Variants in STEAP4 observed in about 807,000 individuals in gnomAD.
STEAP4 encodes metalloreductase STEAP4.
STEAP4 carries 36 observed loss-of-function variants against 43.6 expected under a neutral mutation model. That is an observed-to-expected ratio of 0.83 (90% CI 0.63 to 1.09). STEAP4 has a LOEUF of 1.09. Ranked by LOEUF, STEAP4 falls within the 50% of genes least tolerant of loss-of-function variation. STEAP4 has a pLI of 0.00. For synonymous variants in STEAP4, 191 were observed against 196.7 expected (o/e 0.97, Z 0.24); for missense variants, 495 against 546.5 (o/e 0.91, Z 0.94).
intron 1 of STEAP4, among the ~76,000 whole-genome samples, chr7:88,306,044 T>G (rs1563507024): frequency 6.6e-6 from 1 of 152,176 alleles, no homozygotes; most frequent in Non-Finnish European, 1.5e-5. Flanking sequence ...AATTTTTGTA[T>G]TTTTAGTAGA....
rs1343524514 is a variant in STEAP4, at chr7:88,278,556, C to G, written c.*842G>C. 1 of 152,188 alleles carries G rather than the reference C, an allele frequency of 6.6e-6. No individual in the cohort carries two copies. Among genetic ancestry groups the G allele is most frequent in the East Asian group, 1.9e-4 (1 of 5,192 alleles). 9.4% of individuals were successfully genotyped at this position (152,188 alleles called of 1,614,324 possible). On this transcript the variant is annotated 3_prime_UTR_variant, in exon 5 of 5. Coordinates refer to ENST00000380079, the MANE Select transcript of STEAP4 (RefSeq NM_024636.4). ...CTTAACCTAATATAGTGCAATTTTA[C>G]AATATTTATTTAGCTTGCTGTCTAA...
chr7:88,283,845 A>G lies in STEAP4; in HGVS notation c.425T>C (p.Leu142Pro). 1 of 1,614,026 alleles carries G rather than the reference A, an allele frequency of 6.2e-7. No individual in the cohort carries two copies. Among genetic ancestry groups the G allele is most frequent in the Non-Finnish European group, 8.5e-7 (1 of 1,179,894 alleles). ...ACTTGCATCCAGTGCTCCTGACTGG[A>G]GAGCCCAGGCTGAGATGGTGTTAAA... is the stretch of plus-strand genomic sequence containing the variant. Reference protein sequence around the residue: ...KAFNTISAWALQSGALDASRQ... With the variant: ...KAFNTISAWAPQSGALDASRQ... The change falls in exon 2 of 5, where the codon CTC (leucine) becomes CCC (proline). Residue 142 changes from leucine to proline, a missense_variant. Coordinates refer to ENST00000380079, the MANE Select transcript of STEAP4 (RefSeq NM_024636.4).
At chr7:88,280,321 TCA>T (rs758939570) in intron 4 of STEAP4, among the ~76,000 whole-genome samples, 1 of 152,208 alleles carries the variant, frequency 6.6e-6, no homozygotes, top group Non-Finnish European at 1.5e-5. Flanking sequence ...GGCCACAGGT[TCA>T]GAGTTTCTGA....
intron 1 of STEAP4, among the ~76,000 whole-genome samples, chr7:88,290,756 T>C (rs980801850): frequency 2.6e-5 from 4 of 152,172 alleles, no homozygotes; most frequent in Admixed American, 2.6e-4. Flanking sequence ...ACCCTCAAGC[T>C]TCTGTCTTAA....
At chr7:88,282,576 G>A in intron 3 of STEAP4, 65 bp downstream of exon 3, 2 of 1,381,260 alleles carry the variant, frequency 1.4e-6, no homozygotes, top group Non-Finnish European at 9.9e-7. Flanking sequence ...ATTATGAAAT[G>A]GAATATGATG....
chr7:88,285,554 G>A (rs1438515278), intron 1 of STEAP4, among the ~76,000 whole-genome samples: 1 of 152,016 alleles, frequency 6.6e-6, no homozygotes, highest in Non-Finnish European at 1.5e-5. Flanking sequence ...AGTGGCTTAT[G>A]CCTGTAATCC....
At chr7:88,299,528 T>G (rs2116020988) in intron 1 of STEAP4, among the ~76,000 whole-genome samples, 1 of 152,338 alleles carries the variant, frequency 6.6e-6, no homozygotes, top group Admixed American at 6.5e-5. Context: ...GAAAAACAGC[T>G]CTATCTCATG....
In STEAP4 at chr7:88,274,272, C is replaced by G. The variant is rs1402082437; in HGVS notation, c.*5126G>C. 1 of 152,252 alleles carries G rather than the reference C, an allele frequency of 6.6e-6. No homozygotes were observed. Among genetic ancestry groups the G allele is most frequent in the Non-Finnish European group, 1.5e-5 (1 of 68,048 alleles). The allele number at this position is 152,252 out of a possible 1,614,324, so 9.4% of individuals were successfully genotyped here. ...ATGCATGTGAAATTGTTAGCATAGG[C>G]TTTACGCATGGCACTCTGCTGTAAG... is the stretch of plus-strand genomic sequence containing the variant. On this transcript the variant is annotated 3_prime_UTR_variant, in exon 5 of 5. Coordinates refer to ENST00000380079, the MANE Select transcript of STEAP4 (RefSeq NM_024636.4).
chr7:88,280,315 A>G (rs544377245), intron 4 of STEAP4, among the ~76,000 whole-genome samples: 93 of 152,320 alleles, frequency 6.1e-4, no homozygotes, highest in African/African-American at 2.2e-3. Context: ...TTTCTGGGCC[A>G]CAGGTTCAGA....
intron 1 of STEAP4, among the ~76,000 whole-genome samples, chr7:88,294,841 C>G (rs1852899410): frequency 2.0e-5 from 3 of 151,834 alleles, no homozygotes; most frequent in Admixed American, 6.6e-5. Context: ...ACAGATAGGC[C>G]TGGAAGGGAA....
chr7:88,297,106 CATT>C (rs1852936155), intron 1 of STEAP4, among the ~76,000 whole-genome samples: 1 of 152,162 alleles, frequency 6.6e-6, no homozygotes, highest in South Asian at 2.1e-4. Context: ...TTAATATACA[CATT>C]AACACCTTCC....
At position 88,278,033 on chromosome 7, in the gene STEAP4, A is replaced by G. The variant is rs958865792; in HGVS notation, c.*1365T>C. 2 of 151,828 alleles carry G rather than the reference A, an allele frequency of 1.3e-5. No individual in the cohort carries two copies. The highest frequency in any genetic ancestry group is 2.9e-5 in the Non-Finnish European group (2 of 67,994). 9.4% of individuals were successfully genotyped at this position (151,828 alleles called of 1,614,324 possible). A position where few individuals can be genotyped will look rare whatever the true frequency, so the allele number is the denominator to read the frequency against. On this transcript the variant is annotated 3_prime_UTR_variant, in exon 5 of 5. Transcript: ENST00000380079. ...AATATATTTTAATCATTTTTGTATA[A>G]TGTCATGTATAATATGTTATAATGA...
Position 88,279,068 on chromosome 7 carries a change from C to A in STEAP4, c.*330G>T. ...GCTGCAATACTTCTATTGGATTTTG[C>A]AAGACATTAGGTCATGCATGTTGCC... On this transcript the variant is annotated 3_prime_UTR_variant, in exon 5 of 5. Transcript: ENST00000380079. 1 of 265,608 alleles carries A rather than the reference C, an allele frequency of 3.8e-6. No individual in the cohort carries two copies. Among genetic ancestry groups the A allele is most frequent in the Non-Finnish European group, 7.3e-6 (1 of 136,136 alleles). The allele number at this position is 265,608 out of a possible 1,614,324, so 16.5% of individuals were successfully genotyped here.
In STEAP4 at chr7:88,275,996, T is replaced by C. The variant is rs1486728889; in HGVS notation, c.*3402A>G. ...CATCAGAGCTGCAGCAGTCCAGTTG[T>C]GCAAGGCATTTAATGCCCAGTCACG... On this transcript the variant is annotated 3_prime_UTR_variant, in exon 5 of 5. Coordinates refer to ENST00000380079, the MANE Select transcript of STEAP4 (RefSeq NM_024636.4). 1 of 152,196 alleles carries C rather than the reference T, an allele frequency of 6.6e-6. No homozygotes were observed. The highest frequency in any genetic ancestry group is 1.5e-5 in the Non-Finnish European group (1 of 68,040). The allele number at this position is 152,196 out of a possible 1,614,324, so 9.4% of individuals were successfully genotyped here. A position where few individuals can be genotyped will look rare whatever the true frequency, so the allele number is the denominator to read the frequency against.
intron 1 of STEAP4, among the ~76,000 whole-genome samples, chr7:88,288,303 T>C (rs1477680241): frequency 6.6e-6 from 1 of 152,170 alleles, no homozygotes; most frequent in Non-Finnish European, 1.5e-5. Context: ...CCAGAGTAGC[T>C]GGGATTATAG....
At chr7:88,296,491 C>T (rs996313914) in intron 1 of STEAP4, among the ~76,000 whole-genome samples, 2 of 151,810 alleles carry the variant, frequency 1.3e-5, no homozygotes, top group Non-Finnish European at 2.9e-5. Flanking sequence ...TTTTAAAGTC[C>T]TTCCTTCTGT....
At chr7:88,286,803 ACACACG>A (rs1197063060) in intron 1 of STEAP4, among the ~76,000 whole-genome samples, 282 of 110,952 alleles carry the variant, frequency 2.5e-3, no homozygotes, top group African/African-American at 7.7e-3. Context: ...ACACACACAC[ACACACG>A]CAAACAATGT....
In STEAP4 at chr7:88,291,781, G is replaced by A. The variant is rs139788962; in HGVS notation, c.-2-7510C>T. On this transcript the variant is annotated intron_variant, in intron 1 of 4. Coordinates refer to ENST00000380079, the MANE Select transcript of STEAP4 (RefSeq NM_024636.4). ...AGGAAGAAGAGTTATTAAGGGAAAC[G>A]TGGGTTAAAATAGTTAAAACACAAC... Among the ~76,000 whole-genome samples the A allele has an allele frequency of 1.1e-3, 163 of 152,290 alleles. 1 individual carries two copies. The highest frequency in any genetic ancestry group is 3.6e-3 in the African/African-American group (151 of 41,570).
intron 1 of STEAP4, chr7:88,292,154 G>C (rs1852846437): frequency 1.3e-5 from 2 of 152,226 alleles, no homozygotes; most frequent in South Asian, 4.1e-4. Context: ...GTGTGGGTCA[G>C]GAGGAGTCCT....
Sources: gnomAD v4.1 joint callset for allele counts (sites outside exome capture counted in the v4.1 genomes callset) on GRCh38, gnomAD v4.1.1 for gene constraint, MANE v1.5 for transcripts, NCBI Gene and HGNC (gene_info 2026-07-23, HGNC 2026-07-21) for gene names.